The following EEA1 variants were observed in gnomAD, a reference collection of about 807,000 sequenced individuals.
EEA1 encodes the protein early endosome antigen 1, also known as early endosome antigen 1, 162kD.
A neutral mutation model predicts 209.2 loss-of-function variants in EEA1; 111 were observed. The observed-to-expected ratio is 0.53, with a 90% CI of 0.45 to 0.62. EEA1 has a LOEUF of 0.62. Ranked by LOEUF, EEA1 falls within the 20% of genes least tolerant of loss-of-function variation. EEA1 has a pLI of 0.00. For synonymous variants in EEA1, 536 were observed against 540.6 expected (o/e 0.99, Z 0.12); for missense variants, 1,343 against 1,530.8 (o/e 0.88, Z 2.05).
chr12:92,881,585 G>A (rs1233249199), intron 2 of EEA1, among the ~76,000 whole-genome samples: 4 of 152,114 alleles, frequency 2.6e-5, no homozygotes, highest in South Asian at 4.1e-4. Flanking sequence ...AGCAAGAGTC[G>A]ACTGGACTAA....
At chr12:92,898,892 A>G (rs769602551) in intron 1 of EEA1, among the ~76,000 whole-genome samples, 5 of 150,854 alleles carry the variant, frequency 3.3e-5, no homozygotes, top group Non-Finnish European at 5.9e-5. Flanking sequence ...ATGTTTCAAT[A>G]AAGATGGCTA....
chr12:92,914,216 A>G (rs1880682767), intron 1 of EEA1, among the ~76,000 whole-genome samples: 1 of 151,736 alleles, frequency 6.6e-6, no homozygotes, highest in South Asian at 2.1e-4. Context: ...GCTTGCCTCT[A>G]GCCCTGCACT....
rs188785042 is a variant in EEA1, at chr12:92,793,704, G to A, written c.2967+5188C>T. 2.4e-3 allele frequency among the ~76,000 whole-genome samples: 366 copies of A among 152,190 alleles called. 1 individual carries two copies. The highest frequency in any genetic ancestry group is 0.02 in the Middle Eastern group (6 of 294). On this transcript the variant is annotated intron_variant, in intron 21 of 28. Transcript: ENST00000322349. Reference sequence around the variant, plus strand: ...TCAATATCATGAAAATGACCTTACTGCCCAAAGTAATTTATAGATTCAATG... The same window carrying A: ...TCAATATCATGAAAATGACCTTACTACCCAAAGTAATTTATAGATTCAATG...
In EEA1 at chr12:92,793,182, T is replaced by C. The variant is rs552401806; in HGVS notation, c.2968-5133A>G. ...AACCCACAGCCAATATCATACTGAA[T>C]GGGCAAAAACTGGAAGCATTCCCTT... On this transcript the variant is annotated intron_variant, in intron 21 of 28. Coordinates refer to ENST00000322349, the MANE Select transcript of EEA1 (RefSeq NM_003566.4). 3.3e-5 allele frequency among the ~76,000 whole-genome samples: 5 copies of C among 152,302 alleles called. No homozygotes were observed. In the South Asian group the frequency reaches 1.0e-3, roughly 32 times the overall value.
intron 1 of EEA1, among the ~76,000 whole-genome samples, chr12:92,918,727 G>A: frequency 1.0e-5 from 1 of 100,372 alleles, no homozygotes; most frequent in Non-Finnish European, 2.1e-5. Context: ...CTAGCAGAAG[G>A]CAAGAAATAA....
At chr12:92,841,348 A>C (rs551377209) in intron 10 of EEA1, among the ~76,000 whole-genome samples, 5 of 152,146 alleles carry the variant, frequency 3.3e-5, no homozygotes, top group Non-Finnish European at 7.4e-5. Flanking sequence ...TAAGACCTAA[A>C]AATTAGAAAA....
intron 9 of EEA1, among the ~76,000 whole-genome samples, chr12:92,843,655 ACTTT>A (rs1264590110): frequency 1.3e-5 from 2 of 152,166 alleles, no homozygotes; most frequent in Non-Finnish European, 2.9e-5. Context: ...TGACAAAATA[ACTTT>A]CTATTATATT....
rs1265436293 is a variant in EEA1, at chr12:92,929,035, T to C, written c.24+8A>G. 3 of 1,590,688 alleles carry C rather than the reference T, an allele frequency of 1.9e-6. No individual in the cohort carries two copies. The highest frequency in any genetic ancestry group is 1.7e-6 in the Non-Finnish European group (2 of 1,169,590). On this transcript the variant is annotated splice_region_variant and intron_variant, in intron 1 of 28. Coordinates refer to ENST00000322349, the MANE Select transcript of EEA1 (RefSeq NM_003566.4). ...CGTGCTGCCAGAAAGACGGTTTCAC[T>C]CTCTTACCCTCTGTAAAATCCTCCT...
chr12:92,830,303 T>G (rs1876568863), intron 11 of EEA1, among the ~76,000 whole-genome samples: 1 of 152,130 alleles, frequency 6.6e-6, no homozygotes, highest in Non-Finnish European at 1.5e-5. Flanking sequence ...TAGGCAGTTT[T>G]TCGATCCTCA....
chr12:92,900,117 A>T (rs1880086095), intron 1 of EEA1, among the ~76,000 whole-genome samples: 1 of 152,198 alleles, frequency 6.6e-6, no homozygotes. Flanking sequence ...AGAAACAAGG[A>T]ATCACAACAA....
intron 10 of EEA1, among the ~76,000 whole-genome samples, chr12:92,834,064 C>T (rs868699973): frequency 3.1e-4 from 47 of 152,188 alleles, no homozygotes; most frequent in Admixed American, 1.2e-3. Context: ...AAACAAGTTT[C>T]AGGTGGGGTG....
At chr12:92,852,037 G>A (rs942793188) in intron 8 of EEA1, 138 bp downstream of exon 8, 2 of 564,246 alleles carry the variant, frequency 3.5e-6, no homozygotes, top group Non-Finnish European at 5.7e-6. Flanking sequence ...TATATATGCA[G>A]GTGGTAGAAT....
intron 1 of EEA1, among the ~76,000 whole-genome samples, chr12:92,896,995 T>C (rs1328583439): frequency 6.6e-6 from 1 of 151,540 alleles, no homozygotes; most frequent in Non-Finnish European, 1.5e-5. Flanking sequence ...GGCAACATAA[T>C]GAGACCCCAT....
At chr12:92,926,914 C>T (rs925199048) in intron 1 of EEA1, among the ~76,000 whole-genome samples, 2 of 152,158 alleles carry the variant, frequency 1.3e-5, no homozygotes, top group Non-Finnish European at 2.9e-5. Context: ...ACTGTCATTA[C>T]TTTTAAATGT....
intron 21 of EEA1, among the ~76,000 whole-genome samples, chr12:92,797,121 T>G (rs2136662885): frequency 6.6e-6 from 1 of 152,332 alleles, no homozygotes; most frequent in South Asian, 2.1e-4. Context: ...GGAGTCTCAC[T>G]CTGTTGCCCA....
At chr12:92,902,727 C>A (rs1273710328) in intron 1 of EEA1, among the ~76,000 whole-genome samples, 1 of 118,146 alleles carries the variant, frequency 8.5e-6, no homozygotes, top group African/African-American at 3.2e-5. Flanking sequence ...GGCAACAGGG[C>A]GAAATTCTGT....
chr12:92,865,001 C>T lies in EEA1; in HGVS notation c.118-14G>A. 1 of 1,565,266 alleles carries T rather than the reference C, an allele frequency of 6.4e-7. No homozygotes were observed. The highest frequency in any genetic ancestry group is 8.6e-7 in the Non-Finnish European group (1 of 1,161,574). ...ACATATGAAACCCTATAGAAAGGGG[C>T]AGAAAAAAGTTTCAAAATAGTATTT... On this transcript the variant is annotated splice_polypyrimidine_tract_variant and intron_variant, in intron 2 of 28. Coordinates refer to ENST00000322349, the MANE Select transcript of EEA1 (RefSeq NM_003566.4).
At chr12:92,790,592 T>C (rs11829460) in intron 21 of EEA1, among the ~76,000 whole-genome samples, 43,055 of 151,776 alleles carry the variant, frequency 0.28, 6,521 homozygotes, top group Non-Finnish European at 0.32. Context: ...TAAAAAGAAA[T>C]GAACAAAGCC....
intron 9 of EEA1, among the ~76,000 whole-genome samples, chr12:92,845,217 T>C (rs1401906608): frequency 6.6e-6 from 1 of 152,038 alleles, no homozygotes; most frequent in African/African-American, 2.4e-5. Context: ...AAGGGGACAA[T>C]AAGGAAAGAT....
Sources: gnomAD v4.1 joint callset for allele counts (sites outside exome capture counted in the v4.1 genomes callset) on GRCh38, gnomAD v4.1.1 for gene constraint, MANE v1.5 for transcripts, NCBI Gene and HGNC (gene_info 2026-07-23, HGNC 2026-07-21) for gene names.